PTK2: variants seen among roughly 807,000 people sequenced by gnomAD.
The protein encoded by PTK2 is focal adhesion kinase 1.
PTK2 carries 45 observed loss-of-function variants against 150.1 expected under a neutral mutation model. The observed-to-expected ratio is 0.30, with a 90% CI of 0.24 to 0.38. The LOEUF (loss-of-function observed/expected upper bound fraction) is 0.38. Ranked by LOEUF, PTK2 falls within the 10% of genes least tolerant of loss-of-function variation. PTK2 has a pLI of 1.00. For synonymous variants in PTK2, 432 were observed against 449.2 expected (o/e 0.96, Z 0.48); for missense variants, 919 against 1,307.3 (o/e 0.70, Z 4.58).
chr8:140,710,866 G>A (rs2100036414), intron 23 of PTK2, among the ~76,000 whole-genome samples: 1 of 152,220 alleles, frequency 6.6e-6, no homozygotes, highest in South Asian at 2.1e-4. Flanking sequence ...CATTAAGGTA[G>A]AGGTCAGCAT....
At chr8:140,961,481 G>GA (rs1309345303) in intron 1 of PTK2, among the ~76,000 whole-genome samples, 3 of 151,956 alleles carry the variant, frequency 2.0e-5, no homozygotes, top group Admixed American at 6.6e-5. Context: ...CTAACACAGT[G>GA]AAACCCTGTC....
chr8:140,733,123 G>C (rs563144864), intron 22 of PTK2, among the ~76,000 whole-genome samples: 3 of 152,192 alleles, frequency 2.0e-5, no homozygotes, highest in Non-Finnish European at 4.4e-5. Context: ...CCAGACAGAT[G>C]GGAAAAGAGC....
intron 14 of PTK2, among the ~76,000 whole-genome samples, chr8:140,784,110 A>T: frequency 6.6e-6 from 1 of 152,228 alleles, no homozygotes; most frequent in Non-Finnish European, 1.5e-5. Flanking sequence ...GGTTGCAGTG[A>T]GCCAAGATCA....
chr8:140,981,305 G>T, intron 1 of PTK2, among the ~76,000 whole-genome samples: 1 of 152,038 alleles, frequency 6.6e-6, no homozygotes, highest in East Asian at 1.9e-4. Flanking sequence ...GAAACACTGA[G>T]CGGGGCCAAG....
chr8:140,672,319 G>A (rs898042377), intron 29 of PTK2, among the ~76,000 whole-genome samples: 11 of 152,048 alleles, frequency 7.2e-5, no homozygotes, highest in Non-Finnish European at 1.2e-4. Context: ...ATAGAGGTGC[G>A]CCACCATGTC....
exon 13 of PTK2, chr8:140,793,383 T>A (rs750315960): frequency 1.9e-6 from 3 of 1,610,110 alleles, no homozygotes; most frequent in East Asian, 4.5e-5. Context: ...CCCGTTCACC[T>A]TCTGCGGGGA....
At chr8:140,976,078 C>A (rs2100189174) in intron 1 of PTK2, among the ~76,000 whole-genome samples, 1 of 152,196 alleles carries the variant, frequency 6.6e-6, no homozygotes, top group Admixed American at 6.5e-5. Flanking sequence ...ACCTCAAAGG[C>A]TAAGACCATA....
chr8:140,799,943 T>C (rs190656558), intron 12 of PTK2, among the ~76,000 whole-genome samples: 2 of 152,322 alleles, frequency 1.3e-5, no homozygotes, highest in Non-Finnish European at 2.9e-5. Context: ...CATTATATGC[T>C]TGCAAAAACT....
At chr8:140,791,272 A>C (rs1261577911) in intron 13 of PTK2, among the ~76,000 whole-genome samples, 1 of 152,162 alleles carries the variant, frequency 6.6e-6, no homozygotes, top group Non-Finnish European at 1.5e-5. Context: ...CCACAGCCTC[A>C]AACCCCCGGG....
At chr8:140,725,221 C>T (rs1326108443) in intron 22 of PTK2, among the ~76,000 whole-genome samples, 1 of 151,202 alleles carries the variant, frequency 6.6e-6, no homozygotes, top group Admixed American at 6.6e-5. Context: ...GCAGCCTTGG[C>T]CTCCTGGGCT....
intron 5 of PTK2, among the ~76,000 whole-genome samples, chr8:140,862,715 GGA>G (rs1022046173): frequency 1.3e-5 from 2 of 152,134 alleles, no homozygotes; most frequent in African/African-American, 2.4e-5. Flanking sequence ...GATTTTCATA[GGA>G]GCGCAAACCC....
In PTK2 at chr8:140,731,212, G is replaced by A. The variant is rs1437418747; in HGVS notation, c.2030+4039C>T. The stretch of plus-strand genomic sequence containing the variant: ...TGACCTCAGGTGATCCACCTGCCTC[G>A]GCCTCCCAAACTGCTGGGATTACAG... On this transcript the variant is annotated intron_variant, in intron 22 of 31. Coordinates refer to ENST00000522684, the Ensembl canonical transcript of PTK2. Among the ~76,000 whole-genome samples, 8 of 152,042 alleles carry A rather than the reference G, an allele frequency of 5.3e-5. No individual in the cohort carries two copies. The South Asian group carries it at 1.5e-3, about 28-fold the overall frequency.
intron 1 of PTK2, among the ~76,000 whole-genome samples, chr8:140,974,843 A>T (rs1269400560): frequency 1.3e-5 from 2 of 152,168 alleles, no homozygotes; most frequent in Non-Finnish European, 2.9e-5. Flanking sequence ...TCCCTCATCA[A>T]AGCAATCACT....
At chr8:140,751,960 C>T (rs751366547) in intron 17 of PTK2, 4 of 601,222 alleles carry the variant, frequency 6.7e-6, no homozygotes, top group Non-Finnish European at 1.3e-5. Context: ...ATATCTGCAC[C>T]AATTCCAGTG....
chr8:140,702,312 T>G (rs1193021825), intron 25 of PTK2, among the ~76,000 whole-genome samples: 2 of 150,004 alleles, frequency 1.3e-5, no homozygotes, highest in Admixed American at 6.7e-5. Flanking sequence ...CTCGACTTCC[T>G]AGGCTCAAAT....
chr8:140,784,832 A>G (rs2100083984), intron 14 of PTK2, among the ~76,000 whole-genome samples: 1 of 152,242 alleles, frequency 6.6e-6, no homozygotes, highest in South Asian at 2.1e-4. Flanking sequence ...TTATTTTTGT[A>G]GAGAAATACT....
chr8:140,947,872 G>A (rs1407746376), intron 1 of PTK2, among the ~76,000 whole-genome samples: 7 of 151,678 alleles, frequency 4.6e-5, no homozygotes, highest in African/African-American at 9.7e-5. Context: ...ATTTACCCTC[G>A]GACAAAAAAT....
chr8:140,951,385 AG>A (rs1429595588), intron 1 of PTK2, among the ~76,000 whole-genome samples: 1 of 152,216 alleles, frequency 6.6e-6, no homozygotes, highest in African/African-American at 2.4e-5. Context: ...CTGTGAAATA[AG>A]GGACCTATAT....
At chr8:140,901,100 T>C (rs2100158267) in intron 2 of PTK2, among the ~76,000 whole-genome samples, 1 of 152,112 alleles carries the variant, frequency 6.6e-6, no homozygotes, top group Non-Finnish European at 1.5e-5. Flanking sequence ...TATAAATCCA[T>C]ACATTTACAA....
Sources: allele counts gnomAD v4.1 joint callset (sites outside exome capture counted in the v4.1 genomes callset), GRCh38; gene constraint gnomAD v4.1.1; transcripts MANE v1.5; gene names NCBI Gene and HGNC (gene_info 2026-07-23, HGNC 2026-07-21).